TMEM117: variants seen among roughly 807,000 people sequenced by gnomAD.
TMEM117 encodes transmembrane protein 117.
In TMEM117, 27 loss-of-function variants were observed where a neutral mutation model predicts 52.4. The observed-to-expected ratio is 0.51, with a 90% confidence interval of 0.38 to 0.71. The LOEUF (loss-of-function observed/expected upper bound fraction) is 0.71. TMEM117 is among the 30% of genes least tolerant of loss of function. The probability of loss-of-function intolerance (pLI) is 0.00; values close to 1 mark genes in which losing one functional copy is unlikely to be tolerated. For synonymous variants in TMEM117, 215 were observed against 206.3 expected, an observed-to-expected ratio of 1.04 and a Z score of -0.36; for missense variants, 556 against 630.5, an observed-to-expected ratio of 0.88 and a Z score of 1.26.
the TMEM117 span, chr12:43,806,180 C>A: frequency 1.8e-5 from 27 of 1,538,560 alleles, no homozygotes; most frequent in Non-Finnish European, 2.3e-5. Context: ...CCCGGCTCTC[C>A]CGGAAGCCCC....
intron 2 of TMEM117, among the ~76,000 whole-genome samples, chr12:43,879,960 G>A (rs1943867398): frequency 6.6e-6 from 1 of 152,144 alleles, no homozygotes; most frequent in Non-Finnish European, 1.5e-5. Context: ...CCTTTAGGAA[G>A]GAAATCTGTT....
At chr12:44,371,801 G>C (rs1398378141) in intron 6 of TMEM117, among the ~76,000 whole-genome samples, 2 of 152,150 alleles carry the variant, frequency 1.3e-5, no homozygotes, top group African/African-American at 2.4e-5. Context: ...ATATTTAACA[G>C]TGAACTGAAA....
At chr12:44,321,577 G>A (rs1286567071) in intron 6 of TMEM117, among the ~76,000 whole-genome samples, 2 of 152,134 alleles carry the variant, frequency 1.3e-5, no homozygotes, top group Admixed American at 1.3e-4. Context: ...CTGCCGACAG[G>A]GATGAATCTG....
At chr12:44,066,572 AG>A (rs1466076869) in intron 3 of TMEM117, among the ~76,000 whole-genome samples, 11 of 152,222 alleles carry the variant, frequency 7.2e-5, no homozygotes, top group African/African-American at 2.4e-4. Flanking sequence ...TGCGTATAAA[AG>A]CTATATGTAC....
chr12:43,866,791 T>A (rs1300897897), intron 2 of TMEM117, among the ~76,000 whole-genome samples: 5 of 152,154 alleles, frequency 3.3e-5, no homozygotes, highest in Non-Finnish European at 7.4e-5. Flanking sequence ...TTAATTTTTT[T>A]AAAAGACAAA....
At chr12:44,304,610 G>A (rs923523361) in intron 6 of TMEM117, among the ~76,000 whole-genome samples, 3 of 152,166 alleles carry the variant, frequency 2.0e-5, no homozygotes, top group African/African-American at 7.2e-5. Flanking sequence ...AGAGGACTTT[G>A]TCTTGCAACT....
intron 5 of TMEM117, among the ~76,000 whole-genome samples, chr12:44,277,146 C>A (rs575082080): frequency 2.6e-4 from 40 of 152,154 alleles, no homozygotes; most frequent in Admixed American, 1.2e-3. Context: ...GATTTTCTTT[C>A]AATGCTAATT....
chr12:43,898,072 CG>C, intron 2 of TMEM117, among the ~76,000 whole-genome samples: 1 of 150,184 alleles, frequency 6.7e-6, no homozygotes, highest in African/African-American at 2.5e-5. Context: ...ACACACACAC[CG>C]ATTTCCTTCA....
chr12:44,169,127 C>T (rs544144595), intron 4 of TMEM117, among the ~76,000 whole-genome samples: 4 of 152,104 alleles, frequency 2.6e-5, no homozygotes, highest in Admixed American at 6.5e-5. Context: ...ATTACTTTAC[C>T]TTTTGGCTAT....
At chr12:44,178,797 G>T (rs1175040990) in intron 4 of TMEM117, among the ~76,000 whole-genome samples, 1 of 152,068 alleles carries the variant, frequency 6.6e-6, no homozygotes, top group African/African-American at 2.4e-5. Context: ...ACTTTAAATG[G>T]GATAATGTGT....
chr12:43,846,717 G>T (rs1005331706), intron 2 of TMEM117, among the ~76,000 whole-genome samples: 5 of 152,180 alleles, frequency 3.3e-5, no homozygotes, highest in Non-Finnish European at 7.3e-5. Flanking sequence ...ATTAGGAAGA[G>T]AATGTAATAA....
At chr12:43,941,047 T>G (rs1945036774) in intron 2 of TMEM117, among the ~76,000 whole-genome samples, 1 of 152,186 alleles carries the variant, frequency 6.6e-6, no homozygotes, top group South Asian at 2.1e-4. Flanking sequence ...TGTCCCACTT[T>G]AATGCTTTTG....
intron 3 of TMEM117, among the ~76,000 whole-genome samples, chr12:43,997,106 A>G (rs929799328): frequency 2.6e-5 from 4 of 152,194 alleles, no homozygotes; most frequent in African/African-American, 9.7e-5. Context: ...TTGCTTTAGA[A>G]GGGTAAAGAT....
rs371462734 is a variant in TMEM117, at chr12:44,246,147, C to G, written c.608+34760C>G. Among the ~76,000 whole-genome samples the G allele has an allele frequency of 3.3e-4, 50 of 152,046 alleles. No individual in the cohort carries two copies. In the South Asian group the frequency reaches 1.0e-2, roughly 30 times the overall value. On this transcript the variant is annotated intron_variant, in intron 5 of 7. Coordinates refer to ENST00000266534, the MANE Select transcript of TMEM117 (RefSeq NM_032256.3). ...TTACGTATATCTAATTTTTATGAACCATGCATAAAGGTAGGAGTTTTATTT... is the reference window on the plus strand; with the variant it reads ...TTACGTATATCTAATTTTTATGAACGATGCATAAAGGTAGGAGTTTTATTT...
At chr12:43,841,515 T>A (rs908957785) in intron 1 of TMEM117, among the ~76,000 whole-genome samples, 6 of 152,208 alleles carry the variant, frequency 3.9e-5, no homozygotes, top group African/African-American at 1.4e-4. Flanking sequence ...ATATAAATGC[T>A]GGAGAGAAAC....
chr12:43,907,597 A>G (rs1439717130), intron 2 of TMEM117, among the ~76,000 whole-genome samples: 1 of 147,760 alleles, frequency 6.8e-6, no homozygotes, highest in African/African-American at 2.4e-5. Flanking sequence ...GAAAACTTTG[A>G]AAAAAATTTA....
chr12:44,386,285 A>AATAT (rs1952086998), intron 7 of TMEM117, among the ~76,000 whole-genome samples: 1 of 152,124 alleles, frequency 6.6e-6, no homozygotes, highest in Non-Finnish European at 1.5e-5. Flanking sequence ...GTTGATCTTT[A>AATAT]ATATGAACCT....
intron 6 of TMEM117, among the ~76,000 whole-genome samples, chr12:44,374,114 A>G (rs972925712): frequency 3.3e-5 from 5 of 152,166 alleles, no homozygotes; most frequent in African/African-American, 7.2e-5. Context: ...TGAGCACCAC[A>G]TGTTCTGCAA....
At chr12:43,829,747 T>G in the TMEM117 span, among the ~76,000 whole-genome samples, 1 of 152,116 alleles carries the variant, frequency 6.6e-6, no homozygotes, top group African/African-American at 2.4e-5. Flanking sequence ...TGGGAGCCTC[T>G]GTGTATGTGG....
Sources: gnomAD v4.1 joint callset for allele counts (sites outside exome capture counted in the v4.1 genomes callset) on GRCh38, gnomAD v4.1.1 for gene constraint, MANE v1.5 for transcripts, NCBI Gene and HGNC (gene_info 2026-07-23, HGNC 2026-07-21) for gene names.